SLC5A4: variants seen among roughly 807,000 people sequenced by gnomAD.
The protein encoded by SLC5A4 is probable glucose sensor protein SLC5A4.
A neutral mutation model predicts 70.3 loss-of-function variants in SLC5A4; 55 were observed. The ratio of observed to expected loss-of-function variants is 0.78; its 90% CI spans 0.63 to 0.98. The LOEUF is 0.98. Ranked by LOEUF, SLC5A4 falls within the 50% of genes least tolerant of loss-of-function variation. The pLI is 0.00. For missense variants in SLC5A4, 735 were observed against 839.2 expected (o/e 0.88, Z 1.53); for synonymous variants, 268 against 305.7 (o/e 0.88, Z 1.29).
chr22:32,272,689 G>A, the SLC5A4 span: 16 of 538,354 alleles, frequency 3.0e-5, 1 homozygote, highest in Admixed American at 8.2e-5. Flanking sequence ...TGCCTGCTGC[G>A]CTGGGCAGAC....
At chr22:32,247,678 G>T (rs1926910073) in intron 4 of SLC5A4, among the ~76,000 whole-genome samples, 163 bp from the exon 5 acceptor site, 1 of 152,192 alleles carries the variant, frequency 6.6e-6, no homozygotes, top group Non-Finnish European at 1.5e-5. Context: ...CTGATGCCAT[G>T]CACAGTGACT....
At chr22:32,313,554 A>G in the SLC5A4 span, among the ~76,000 whole-genome samples, 9 of 152,252 alleles carry the variant, frequency 5.9e-5, no homozygotes, top group African/African-American at 1.9e-4. Context: ...GCAGTGGAAC[A>G]AGATCTACAG....
the SLC5A4 span, among the ~76,000 whole-genome samples, chr22:32,310,011 G>A: frequency 8.6e-5 from 11 of 128,544 alleles, no homozygotes; most frequent in Admixed American, 9.2e-4. Context: ...AACCCCATGA[G>A]TTTTTCAGTT....
At chr22:32,351,762 G>A in the SLC5A4 span, among the ~76,000 whole-genome samples, 1 of 75,710 alleles carries the variant, frequency 1.3e-5, no homozygotes, top group Non-Finnish European at 2.5e-5. Context: ...GGGGGGGTGG[G>A]CGGGTGGAAT....
chr22:32,341,117 C>T, the SLC5A4 span, among the ~76,000 whole-genome samples: 1 of 152,194 alleles, frequency 6.6e-6, no homozygotes, highest in East Asian at 1.9e-4. Flanking sequence ...ATGGGGTATC[C>T]AAGAGCTGCT....
At chr22:32,313,868 T>G in the SLC5A4 span, among the ~76,000 whole-genome samples, 4 of 152,298 alleles carry the variant, frequency 2.6e-5, no homozygotes, top group South Asian at 2.1e-4. Flanking sequence ...GGATGCTCAC[T>G]AACACAGGTG....
At chr22:32,310,053 G>T in the SLC5A4 span, among the ~76,000 whole-genome samples, 1 of 149,120 alleles carries the variant, frequency 6.7e-6, no homozygotes, top group Admixed American at 6.7e-5. Context: ...TGGCAGCGGG[G>T]TGGGGAGGGG....
At position 32,254,127 on chromosome 22, in the gene SLC5A4, C is replaced by A; in HGVS notation, c.207+15G>T. 6.2e-7 allele frequency: 1 copy of A among 1,608,532 alleles called. No individual in the cohort carries two copies. The highest frequency in any genetic ancestry group is 1.7e-4 in the Middle Eastern group (1 of 6,052). On this transcript the variant is annotated intron_variant, in intron 2 of 14. Coordinates refer to ENST00000266086, the MANE Select transcript of SLC5A4 (RefSeq NM_014227.3). ...ACACAGGAAATTTATCTCCAGAAAACTTCGATCCACTTACCGGCCACCAGG... is the reference window on the plus strand; with the variant it reads ...ACACAGGAAATTTATCTCCAGAAAAATTCGATCCACTTACCGGCCACCAGG...
At chr22:32,232,554 G>A (rs1925815799) in intron 9 of SLC5A4, among the ~76,000 whole-genome samples, 1 of 152,070 alleles carries the variant, frequency 6.6e-6, no homozygotes, top group Admixed American at 6.6e-5. Flanking sequence ...ACCAAACTCA[G>A]ACAGTACGGC....
the SLC5A4 span, among the ~76,000 whole-genome samples, chr22:32,353,397 T>G: frequency 6.6e-6 from 1 of 151,898 alleles, no homozygotes; most frequent in Non-Finnish European, 1.5e-5. Flanking sequence ...CCGCAACACA[T>G]AGAGGGCGCG....
chr22:32,249,630 C>T (rs1927028035), intron 3 of SLC5A4, among the ~76,000 whole-genome samples: 1 of 152,182 alleles, frequency 6.6e-6, no homozygotes, highest in African/African-American at 2.4e-5. Flanking sequence ...TGAGTTCAAC[C>T]AGGGAATGGT....
chr22:32,314,123 C>T, the SLC5A4 span, among the ~76,000 whole-genome samples: 15 of 152,310 alleles, frequency 9.8e-5, 1 homozygote, highest in South Asian at 3.1e-3. Context: ...AACCTACTCT[C>T]CACTCTTTGC....
intron 8 of SLC5A4, among the ~76,000 whole-genome samples, chr22:32,233,829 A>C (rs1925903514): frequency 6.6e-6 from 1 of 151,970 alleles, no homozygotes; most frequent in Non-Finnish European, 1.5e-5. Context: ...AAAAGGAAGA[A>C]AACAAGAATT....
chr22:32,339,204 G>A, the SLC5A4 span, among the ~76,000 whole-genome samples: 1 of 152,240 alleles, frequency 6.6e-6, no homozygotes, highest in Admixed American at 6.5e-5. Flanking sequence ...AGCTGCGTGT[G>A]AGTGGGATCC....
the SLC5A4 span, among the ~76,000 whole-genome samples, chr22:32,297,549 T>C: frequency 1.1e-4 from 11 of 101,792 alleles, no homozygotes; most frequent in Non-Finnish European, 2.3e-4. Flanking sequence ...TCTCTTTTTT[T>C]CTTTATTAGT....
chr22:32,227,319 C>T (rs1433601870), intron 11 of SLC5A4, among the ~76,000 whole-genome samples: 3 of 152,162 alleles, frequency 2.0e-5, no homozygotes, highest in Non-Finnish European at 2.9e-5. Context: ...GTCTCCTGAA[C>T]ACCAACCAGT....
the SLC5A4 span, among the ~76,000 whole-genome samples, chr22:32,282,220 C>A: frequency 6.6e-6 from 1 of 152,016 alleles, no homozygotes; most frequent in African/African-American, 2.4e-5. Context: ...TCTTGAACAC[C>A]CCCCTCCAGC....
the SLC5A4 span, among the ~76,000 whole-genome samples, chr22:32,321,009 C>T: frequency 7.9e-5 from 12 of 152,294 alleles, no homozygotes; most frequent in African/African-American, 2.4e-4. Context: ...CGTTTAAGGC[C>T]GGGCACGGTG....
chr22:32,344,822 A>G, the SLC5A4 span, among the ~76,000 whole-genome samples: 6 of 152,150 alleles, frequency 3.9e-5, no homozygotes, highest in African/African-American at 1.4e-4. Context: ...TATTGTACAC[A>G]TTCCCCACCT....
Sources: allele counts gnomAD v4.1 joint callset (sites outside exome capture counted in the v4.1 genomes callset), GRCh38; gene constraint gnomAD v4.1.1; transcripts MANE v1.5; gene names NCBI Gene and HGNC (gene_info 2026-07-23, HGNC 2026-07-21).